The following GSG1L variants were observed in gnomAD, a reference collection of about 807,000 sequenced individuals.
The protein encoded by GSG1L is GSG1 like.
In GSG1L, 24 loss-of-function variants were observed where a neutral mutation model predicts 42.1. The observed-to-expected ratio is 0.57, with a 90% CI of 0.41 to 0.80. GSG1L has a LOEUF of 0.80. Ranked by LOEUF, GSG1L falls within the 30% of genes least tolerant of loss-of-function variation. The pLI, the probability that GSG1L is intolerant of heterozygous loss-of-function variation, is 0.00. For missense variants in GSG1L, 445 were observed against 472.2 expected (o/e 0.94, Z 0.53); for synonymous variants, 215 against 203.5 (o/e 1.06, Z -0.48).
intron 1 of GSG1L, among the ~76,000 whole-genome samples, chr16:27,985,010 A>C (rs939705159): frequency 8.6e-5 from 13 of 152,036 alleles, no homozygotes; most frequent in African/African-American, 2.9e-4. Context: ...TTCCCGCCCC[A>C]GCCTCCCAAA....
At chr16:27,836,805 G>A (rs1461928156) in intron 4 of GSG1L, among the ~76,000 whole-genome samples, 1 of 152,114 alleles carries the variant, frequency 6.6e-6, no homozygotes, top group African/African-American at 2.4e-5. Context: ...TAACATTTCT[G>A]TCATTTCAGC....
chr16:27,834,683 C>T (rs546333153), intron 4 of GSG1L, among the ~76,000 whole-genome samples: 2 of 152,212 alleles, frequency 1.3e-5, no homozygotes, highest in South Asian at 4.2e-4. Context: ...TCTATTTCAT[C>T]CAGGCTGTCA....
chr16:27,798,118 C>A (rs1348420914), intron 6 of GSG1L, among the ~76,000 whole-genome samples: 2 of 152,160 alleles, frequency 1.3e-5, no homozygotes, highest in East Asian at 3.9e-4. Context: ...GAAGCCCAAC[C>A]TGAGCATTAT....
intron 2 of GSG1L, among the ~76,000 whole-genome samples, chr16:27,917,186 G>A (rs1234862306): frequency 6.6e-6 from 1 of 152,210 alleles, no homozygotes; most frequent in Non-Finnish European, 1.5e-5. Context: ...GGTTGAGAAT[G>A]GATCTGTTGG....
chr16:27,817,309 C>A (rs2083106513), intron 5 of GSG1L, among the ~76,000 whole-genome samples: 1 of 152,206 alleles, frequency 6.6e-6, no homozygotes. Context: ...TCATCCCCCG[C>A]CATGTTCTCC....
chr16:27,837,209 G>A (rs1433635207), intron 4 of GSG1L, among the ~76,000 whole-genome samples: 2 of 152,186 alleles, frequency 1.3e-5, no homozygotes, highest in African/African-American at 2.4e-5. Context: ...GGAGTGCCGA[G>A]TAAAGGTGGA....
chr16:28,024,291 C>T (rs907747412), intron 1 of GSG1L, among the ~76,000 whole-genome samples: 1 of 152,142 alleles, frequency 6.6e-6, no homozygotes, highest in African/African-American at 2.4e-5. Context: ...CCACCACCTC[C>T]ATGGAAATCA....
chr16:28,018,390 A>G (rs2085803855), intron 1 of GSG1L, among the ~76,000 whole-genome samples: 1 of 152,228 alleles, frequency 6.6e-6, no homozygotes, highest in Non-Finnish European at 1.5e-5. Flanking sequence ...CAGACATCAC[A>G]TCCTTACCCA....
intron 2 of GSG1L, among the ~76,000 whole-genome samples, chr16:27,950,088 T>G (rs1479225201): frequency 1.3e-5 from 2 of 152,208 alleles, no homozygotes; most frequent in Non-Finnish European, 2.9e-5. Context: ...GGGCCCCTCA[T>G]ACAGGATGTT....
intron 2 of GSG1L, among the ~76,000 whole-genome samples, chr16:27,919,045 A>G (rs916230811): frequency 6.6e-6 from 1 of 152,192 alleles, no homozygotes; most frequent in Non-Finnish European, 1.5e-5. Flanking sequence ...GAAGGGATGA[A>G]GGATTAAAGC....
At chr16:27,949,525 C>T (rs940294332) in intron 2 of GSG1L, among the ~76,000 whole-genome samples, 4 of 152,116 alleles carry the variant, frequency 2.6e-5, no homozygotes, top group African/African-American at 4.8e-5. Context: ...GAGGCTGAGG[C>T]GGGAGGATTG....
intron 2 of GSG1L, among the ~76,000 whole-genome samples, chr16:27,952,984 G>A (rs2084966184): frequency 6.6e-6 from 1 of 152,208 alleles, no homozygotes; most frequent in Admixed American, 6.5e-5. Flanking sequence ...TACAGATAGG[G>A]CTTCTGCATT....
chr16:27,974,181 C>A (rs1387437984), intron 1 of GSG1L, among the ~76,000 whole-genome samples: 1 of 152,024 alleles, frequency 6.6e-6, no homozygotes, highest in Non-Finnish European at 1.5e-5. Context: ...GGAATTCATG[C>A]AGAAAGAAAG....
intron 5 of GSG1L, among the ~76,000 whole-genome samples, chr16:27,823,000 G>C (rs564195710): frequency 6.6e-6 from 1 of 152,312 alleles, no homozygotes; most frequent in African/African-American, 2.4e-5. Flanking sequence ...CGGGTCATTT[G>C]TTTGGCACAG....
At chr16:28,048,793 C>G (rs2086192285) in intron 1 of GSG1L, among the ~76,000 whole-genome samples, 1 of 152,072 alleles carries the variant, frequency 6.6e-6, no homozygotes, top group South Asian at 2.1e-4. Flanking sequence ...TATGAAAAAA[C>G]AAAGTTTTCA....
intron 1 of GSG1L, among the ~76,000 whole-genome samples, chr16:28,030,981 GTTGCGATGGA>G (rs2085955275): frequency 7.1e-6 from 1 of 140,610 alleles, no homozygotes; most frequent in African/African-American, 2.7e-5. Flanking sequence ...GTTGGGATGG[GTTGCGATGGA>G]ATGGGATAAG....
chr16:27,972,141 T>A (rs187873873), intron 1 of GSG1L, among the ~76,000 whole-genome samples: 1 of 152,188 alleles, frequency 6.6e-6, no homozygotes, highest in Non-Finnish European at 1.5e-5. Flanking sequence ...TATACCTCCA[T>A]AGAGACAGGG....
At chr16:27,819,026 G>A (rs569441697) in intron 5 of GSG1L, among the ~76,000 whole-genome samples, 1 of 152,132 alleles carries the variant, frequency 6.6e-6, no homozygotes, top group Non-Finnish European at 1.5e-5. Context: ...GAGGCGAGTG[G>A]ATCACAAGGT....
At chr16:27,792,836 A>G (rs1374282861) in intron 6 of GSG1L, among the ~76,000 whole-genome samples, 1 of 152,148 alleles carries the variant, frequency 6.6e-6, no homozygotes, top group Non-Finnish European at 1.5e-5. Context: ...GAAGGAAGAA[A>G]ACAAACAGTT....
Sources: gnomAD v4.1 joint callset for allele counts (sites outside exome capture counted in the v4.1 genomes callset) on GRCh38, gnomAD v4.1.1 for gene constraint, MANE v1.5 for transcripts, NCBI Gene and HGNC (gene_info 2026-07-23, HGNC 2026-07-21) for gene names.